Variants in HEATR4 observed in about 807,000 individuals in gnomAD.
The protein encoded by HEATR4 is HEAT repeat-containing protein 4.
A neutral mutation model predicts 108.8 loss-of-function variants in HEATR4; 95 were observed. The observed-to-expected ratio is 0.87, with a 90% CI of 0.74 to 1.04. HEATR4 has a LOEUF of 1.04. Ranked by LOEUF, HEATR4 falls within the 50% of genes least tolerant of loss-of-function variation. The pLI, the probability that HEATR4 is intolerant of heterozygous loss-of-function variation, is 0.00. For missense variants in HEATR4, 1,152 were observed against 1,253.8 expected, an observed-to-expected ratio of 0.92 and a Z score of 1.23; for synonymous variants, 443 against 459.4, an observed-to-expected ratio of 0.96 and a Z score of 0.46.
intron 1 of HEATR4, among the ~76,000 whole-genome samples, chr14:73,551,149 G>T (rs575643280): frequency 0.047 from 5,072 of 107,956 alleles, 1,184 homozygotes; most frequent in African/African-American, 0.15. Context: ...GAGTGACAGT[G>T]TGAGACTCCG....
the HEATR4 span, among the ~76,000 whole-genome samples, chr14:73,579,015 G>C: frequency 2.0e-5 from 3 of 150,612 alleles, no homozygotes; most frequent in African/African-American, 7.3e-5. Context: ...AACCCGGGAT[G>C]TGGAGCTTGC....
intron 17 of HEATR4, among the ~76,000 whole-genome samples, chr14:73,485,543 C>T (rs1000698210): frequency 2.0e-5 from 3 of 152,042 alleles, no homozygotes; most frequent in African/African-American, 7.2e-5. Context: ...GCTGGGACCA[C>T]AGGTGTACAT....
At position 73,492,208 on chromosome 14, in the gene HEATR4, G is replaced by C; in HGVS notation, c.2844+858C>G. 6.2e-7 allele frequency: 1 copy of C among 1,614,018 alleles called. No individual in the cohort carries two copies. The highest frequency in any genetic ancestry group is 1.1e-5 in the South Asian group (1 of 91,088). ...CCGTGCTGGAACCTGGAGATTTGCT[G>C]TATTTTCCTCGGGGCTTCATTCACC... On this transcript the variant is annotated intron_variant, in intron 17 of 17. Transcript: ENST00000553558. The surrounding 1 kb of genome is among the most constrained non-coding windows in gnomAD (Gnocchi z 4.9).
chr14:73,495,010 CT>C (rs767649595), intron 16 of HEATR4, among the ~76,000 whole-genome samples: 254 of 151,442 alleles, frequency 1.7e-3, no homozygotes, highest in Non-Finnish European at 2.9e-3. Flanking sequence ...ATAGAGATAA[CT>C]TTTTTTTAAG....
the HEATR4 span, among the ~76,000 whole-genome samples, chr14:73,615,464 C>T: frequency 4.0e-5 from 6 of 148,522 alleles, no homozygotes; most frequent in African/African-American, 1.5e-4. Flanking sequence ...GGCGCAGTGG[C>T]TTACGCCTGT....
chr14:73,585,959 A>C, the HEATR4 span, among the ~76,000 whole-genome samples: 1 of 142,848 alleles, frequency 7.0e-6, no homozygotes, highest in African/African-American at 2.6e-5. Flanking sequence ...CAGTGAGCCA[A>C]GGTGGCACAA....
chr14:73,588,058 A>G, the HEATR4 span, among the ~76,000 whole-genome samples: 2 of 150,906 alleles, frequency 1.3e-5, no homozygotes, highest in East Asian at 3.9e-4. Flanking sequence ...CTAGAGTGCA[A>G]TGGCACAATC....
chr14:73,592,000 G>T, the HEATR4 span: 3 of 1,426,340 alleles, frequency 2.1e-6, no homozygotes, highest in African/African-American at 1.5e-5. Flanking sequence ...GGCCGCTGCT[G>T]CTGGAACGAG....
intron 5 of HEATR4, 86 bp from the exon 6 acceptor site, chr14:73,514,320 T>C (rs908023563): frequency 8.1e-7 from 1 of 1,227,866 alleles, no homozygotes. Flanking sequence ...CCCATTCCTA[T>C]TCCTGACTAA....
Position 73,492,138 on chromosome 14 carries a change from G to T in HEATR4, c.2844+928C>A, listed in dbSNP as rs1167312069. The T allele has an allele frequency of 6.2e-7, 1 of 1,613,944 alleles. No homozygotes were observed. Among genetic ancestry groups the T allele is most frequent in the East Asian group, 2.2e-5 (1 of 44,872 alleles). On this transcript the variant is annotated intron_variant, in intron 17 of 17. Transcript: ENST00000553558. This position sits in a 1 kb window ranked among gnomAD's most constrained non-coding sequence, Gnocchi z 4.9. The stretch of plus-strand genomic sequence containing the variant: ...ACCGAGGAACTGGCTCTGACATCCA[G>T]CCCCAACTTCAGTCAGGACGACCTC...
chr14:73,564,260 T>C, the HEATR4 span, among the ~76,000 whole-genome samples: 121,776 of 150,426 alleles, frequency 0.81, 49,961 homozygotes, highest in East Asian at 0.94. Context: ...ATCAGACCAC[T>C]GCACTCCAGC....
At chr14:73,484,827 CACACAG>C (rs1415639667) in intron 17 of HEATR4, among the ~76,000 whole-genome samples, 4 of 148,566 alleles carry the variant, frequency 2.7e-5, no homozygotes, top group African/African-American at 5.0e-5. Flanking sequence ...CACACACACA[CACACAG>C]ACACACACAC....
the HEATR4 span, chr14:73,592,184 C>T: frequency 5.0e-6 from 8 of 1,607,858 alleles, no homozygotes; most frequent in Non-Finnish European, 6.8e-6. Flanking sequence ...TCGCGGGACT[C>T]GAGCCCATGG....
chr14:73,593,609 C>G, the HEATR4 span: 5 of 1,263,586 alleles, frequency 4.0e-6, no homozygotes, highest in Non-Finnish European at 5.5e-6. Context: ...TCCTAAAGTG[C>G]TGAGATTACA....
chr14:73,602,641 C>T, the HEATR4 span, among the ~76,000 whole-genome samples: 1 of 152,164 alleles, frequency 6.6e-6, no homozygotes, highest in African/African-American at 2.4e-5. Context: ...TTTGTTCAGT[C>T]CCCCAGGGAT....
chr14:73,592,196 G>T, the HEATR4 span: 11 of 1,611,168 alleles, frequency 6.8e-6, no homozygotes, highest in Non-Finnish European at 8.5e-6. Flanking sequence ...AGCCCATGGG[G>T]CTGCTCTGGG....
At chr14:73,517,718 G>A (rs1413746550) in intron 5 of HEATR4, among the ~76,000 whole-genome samples, 4 of 150,454 alleles carry the variant, frequency 2.7e-5, no homozygotes, top group Admixed American at 1.3e-4. Context: ...GGAGGGGAAG[G>A]GGGAAGAGAG....
the HEATR4 span, among the ~76,000 whole-genome samples, chr14:73,583,244 G>C: frequency 6.5e-3 from 991 of 151,902 alleles, 9 homozygotes; most frequent in Non-Finnish European, 0.01. Flanking sequence ...TGGAGGTTGA[G>C]AGGCTGAGGC....
intron 2 of HEATR4, among the ~76,000 whole-genome samples, chr14:73,528,392 CAAAAAAAA>C (rs371875141): frequency 3.4e-5 from 3 of 88,518 alleles, no homozygotes; most frequent in Non-Finnish European, 6.1e-5. Flanking sequence ...AACTTCATCT[CAAAAAAAA>C]AAAAAAAAAA....
Sources: allele counts gnomAD v4.1 joint callset (sites outside exome capture counted in the v4.1 genomes callset), GRCh38; gene constraint gnomAD v4.1.1; non-coding constraint Gnocchi (gnomAD v3.1); transcripts MANE v1.5; gene names NCBI Gene and HGNC (gene_info 2026-07-23, HGNC 2026-07-21).